Variants in CDH4 observed in about 807,000 individuals in gnomAD.
The protein encoded by CDH4 is cadherin 4, also known as cadherin-4.
CDH4 carries 33 observed loss-of-function variants against 86.0 expected under a neutral mutation model. The ratio of observed to expected loss-of-function variants is 0.38; its 90% CI spans 0.29 to 0.51. CDH4 has a LOEUF of 0.51. Among genes scored for constraint, CDH4 ranks in the 20% least tolerant of loss-of-function variants. The pLI is 0.86. For synonymous variants in CDH4, 555 were observed against 549.4 expected (o/e 1.01, Z -0.14); for missense variants, 1,114 against 1,307.4 (o/e 0.85, Z 2.28).
chr20:61,621,785 A>G (rs189993776), intron 2 of CDH4, among the ~76,000 whole-genome samples: 1 of 152,366 alleles, frequency 6.6e-6, no homozygotes, highest in East Asian at 1.9e-4. Flanking sequence ...GATACTATTT[A>G]CATTTGTTAA....
At chr20:61,421,682 A>G (rs1331381715) in intron 2 of CDH4, among the ~76,000 whole-genome samples, 1 of 152,058 alleles carries the variant, frequency 6.6e-6, no homozygotes, top group Non-Finnish European at 1.5e-5. Flanking sequence ...CTTCCTTGAC[A>G]TTTATGACAC....
chr20:61,542,002 C>T (rs2086043094), intron 2 of CDH4, among the ~76,000 whole-genome samples: 1 of 152,164 alleles, frequency 6.6e-6, no homozygotes, highest in Admixed American at 6.5e-5. Flanking sequence ...CCACCACATG[C>T]CGAACCATTT....
In CDH4 at chr20:61,513,641, C is replaced by G. The variant is rs1284306407; in HGVS notation, c.170-229922C>G. Among the ~76,000 whole-genome samples the G allele has an allele frequency of 2.0e-5, 3 of 152,326 alleles. No homozygotes were observed. In the East Asian group the frequency reaches 5.8e-4, roughly 29 times the overall value. On this transcript the variant is annotated intron_variant, in intron 2 of 15. Transcript: ENST00000614565. ...GCCACCTTCCCTCTAAGCAGTCTCA[C>G]CTCTGAAAATTGACCAGTTTTCTTT... is the stretch of plus-strand genomic sequence containing the variant.
intron 2 of CDH4, among the ~76,000 whole-genome samples, chr20:61,671,007 A>G (rs2087380215): frequency 6.6e-6 from 1 of 152,208 alleles, no homozygotes; most frequent in African/African-American, 2.4e-5. Context: ...AGTGAATTAC[A>G]TGTACATATC....
chr20:61,771,940 G>A (rs1444987401), intron 3 of CDH4, among the ~76,000 whole-genome samples: 1 of 152,150 alleles, frequency 6.6e-6, no homozygotes, highest in African/African-American at 2.4e-5. Flanking sequence ...GGATCAAAAG[G>A]GACCGTCCTT....
At chr20:61,482,814 T>C (rs2085575409) in intron 2 of CDH4, among the ~76,000 whole-genome samples, 1 of 152,212 alleles carries the variant, frequency 6.6e-6, no homozygotes, top group Admixed American at 6.5e-5. Context: ...ATGGAGCACC[T>C]GCCACATGCC....
intron 3 of CDH4, among the ~76,000 whole-genome samples, chr20:61,753,269 T>A (rs2088521055): frequency 6.6e-6 from 1 of 152,206 alleles, no homozygotes; most frequent in Non-Finnish European, 1.5e-5. Context: ...TTCATTTCTC[T>A]TATGTCGAGG....
intron 2 of CDH4, among the ~76,000 whole-genome samples, chr20:61,360,575 T>C (rs2084778120): frequency 2.0e-5 from 3 of 152,036 alleles, no homozygotes. Context: ...CTCAGTACAC[T>C]GTGAAGAGCA....
intron 2 of CDH4, among the ~76,000 whole-genome samples, chr20:61,449,699 C>G (rs1488602838): frequency 3.3e-5 from 5 of 152,176 alleles, no homozygotes; most frequent in African/African-American, 4.8e-5. Flanking sequence ...ATATTTTGAT[C>G]TACAAATACC....
chr20:61,667,889 G>A (rs1484564257), intron 2 of CDH4, among the ~76,000 whole-genome samples: 2 of 152,194 alleles, frequency 1.3e-5, no homozygotes, highest in Admixed American at 6.5e-5. Context: ...AGACTGCAAG[G>A]CGGAGGGACC....
rs533349161 is a variant in CDH4, at chr20:61,284,848, G to T, written c.169+29911G>T. 5.9e-5 allele frequency among the ~76,000 whole-genome samples: 9 copies of T among 152,296 alleles called. No homozygotes were observed. The South Asian group carries it at 1.9e-3, about 32-fold the overall frequency. On this transcript the variant is annotated intron_variant, in intron 2 of 15. Coordinates refer to ENST00000614565, the MANE Select transcript of CDH4 (RefSeq NM_001794.5). ...TTTTAGGCTTGGCGGGCCAGATGTCGGGACCCACTCACCTCTGTGACGTAG... is the reference window on the plus strand; with the variant it reads ...TTTTAGGCTTGGCGGGCCAGATGTCTGGACCCACTCACCTCTGTGACGTAG...
chr20:61,454,531 C>T (rs1359587468), intron 2 of CDH4, among the ~76,000 whole-genome samples: 3 of 152,112 alleles, frequency 2.0e-5, no homozygotes, highest in African/African-American at 7.2e-5. Flanking sequence ...CTGCAAGCTC[C>T]GCCTCCCGGG....
At chr20:61,871,692 G>A (rs1272173164) in intron 6 of CDH4, among the ~76,000 whole-genome samples, 1 of 152,122 alleles carries the variant, frequency 6.6e-6, no homozygotes, top group East Asian at 1.9e-4. Context: ...CGTGATGGGG[G>A]CAAGGATCAT....
Position 61,568,318 on chromosome 20 carries a change from C to T in CDH4, c.170-175245C>T, listed in dbSNP as rs1404649801. ...CTCTTCTCATGATAGTAAGTTCTCA[C>T]CAGATCTGATGGTTTTATAAGGGGC... On this transcript the variant is annotated intron_variant, in intron 2 of 15. Coordinates refer to ENST00000614565, the MANE Select transcript of CDH4 (RefSeq NM_001794.5). Among the ~76,000 whole-genome samples the T allele has an allele frequency of 8.5e-5, 13 of 152,186 alleles. No individual in the cohort carries two copies. The East Asian group carries it at 2.3e-3, about 27-fold the overall frequency.
chr20:61,497,049 G>A (rs912011064), intron 2 of CDH4, among the ~76,000 whole-genome samples: 5 of 148,276 alleles, frequency 3.4e-5, no homozygotes, highest in African/African-American at 1.3e-4. Flanking sequence ...CCGTGAATAA[G>A]CCTCTTACGT....
At chr20:61,584,198 A>G (rs920606327) in intron 2 of CDH4, among the ~76,000 whole-genome samples, 27 of 152,166 alleles carry the variant, frequency 1.8e-4, no homozygotes, top group African/African-American at 6.0e-4. Flanking sequence ...TCCCTGCTAA[A>G]CTCCTTCTAG....
chr20:61,309,114 A>G (rs2084432203), intron 2 of CDH4, among the ~76,000 whole-genome samples: 1 of 152,262 alleles, frequency 6.6e-6, no homozygotes, highest in Admixed American at 6.5e-5. Context: ...AGCCAAGCAC[A>G]GGGCGCTTCT....
chr20:61,450,947 C>A (rs191776434), intron 2 of CDH4, among the ~76,000 whole-genome samples: 1 of 151,994 alleles, frequency 6.6e-6, no homozygotes, highest in Admixed American at 6.5e-5. Flanking sequence ...AGTCCCTGTG[C>A]TATCACAGAA....
chr20:61,567,429 T>G (rs971232719), intron 2 of CDH4, among the ~76,000 whole-genome samples: 2 of 152,184 alleles, frequency 1.3e-5, no homozygotes, highest in African/African-American at 2.4e-5. Context: ...TGCCTGCTCA[T>G]TGTGTCCTGG....
Sources: allele counts gnomAD v4.1 joint callset (sites outside exome capture counted in the v4.1 genomes callset), GRCh38; gene constraint gnomAD v4.1.1; transcripts MANE v1.5; gene names NCBI Gene and HGNC (gene_info 2026-07-23, HGNC 2026-07-21).